Variants in CLINT1 observed in about 807,000 individuals in gnomAD.
CLINT1 encodes clathrin interacting protein localized in the trans-Golgi region.
CLINT1 carries 15 observed loss-of-function variants against 70.4 expected under a neutral mutation model. The observed-to-expected ratio is 0.21, with a 90% CI of 0.14 to 0.33. The LOEUF (loss-of-function observed/expected upper bound fraction) is 0.33, where lower values mean the gene tolerates loss of function less well. CLINT1 is among the 10% of genes least tolerant of loss of function. The pLI, the probability that CLINT1 is intolerant of heterozygous loss-of-function variation, is 1.00. For missense variants in CLINT1, 615 were observed against 778.1 expected (o/e 0.79, Z 2.49); for synonymous variants, 227 against 254.7 (o/e 0.89, Z 1.04).
chr5:157,819,645 C>T (rs761872374), intron 1 of CLINT1, among the ~76,000 whole-genome samples: 1 of 152,142 alleles, frequency 6.6e-6, no homozygotes, highest in Admixed American at 6.5e-5. Context: ...CTGAAGAATG[C>T]GTGGCTTAGG....
At chr5:157,840,990 A>G (rs1016489877) in intron 1 of CLINT1, among the ~76,000 whole-genome samples, 13 of 152,148 alleles carry the variant, frequency 8.5e-5, no homozygotes, top group African/African-American at 2.9e-4. Flanking sequence ...AGTCAGGTGC[A>G]GTGGTTCACA....
At chr5:157,789,330 C>T in intron 11 of CLINT1, 33 bp downstream of exon 11, 1 of 1,585,916 alleles carries the variant, frequency 6.3e-7, no homozygotes, top group Non-Finnish European at 8.7e-7. Context: ...ACTGCAAGTA[C>T]ACAAAGAAGT....
intron 3 of CLINT1, among the ~76,000 whole-genome samples, chr5:157,815,314 C>T (rs1179168704): frequency 6.6e-6 from 1 of 152,024 alleles, no homozygotes; most frequent in Admixed American, 6.6e-5. Context: ...AAACAAACAA[C>T]AACCAACCCC....
intron 1 of CLINT1, among the ~76,000 whole-genome samples, chr5:157,853,858 A>C (rs759499877): frequency 1.1e-4 from 16 of 151,982 alleles, no homozygotes; most frequent in Non-Finnish European, 2.1e-4. Flanking sequence ...AGAGGCAGTT[A>C]AGTGCTTTTT....
intron 1 of CLINT1, among the ~76,000 whole-genome samples, chr5:157,836,060 G>A (rs568908078): frequency 6.6e-6 from 1 of 152,132 alleles, no homozygotes; most frequent in East Asian, 1.9e-4. Flanking sequence ...GTACATACTG[G>A]AACCCTCTCC....
At chr5:157,824,522 A>G (rs1762973646) in intron 1 of CLINT1, among the ~76,000 whole-genome samples, 1 of 152,238 alleles carries the variant, frequency 6.6e-6, no homozygotes, top group Non-Finnish European at 1.5e-5. Flanking sequence ...TGATCTGCAA[A>G]TGAAAATGAA....
chr5:157,816,792 T>C lies in CLINT1; in HGVS notation c.185A>G (p.Asn62Ser). 6.2e-7 allele frequency: 1 copy of C among 1,611,248 alleles called. No homozygotes were observed. Among genetic ancestry groups the C allele is most frequent in the Non-Finnish European group, 8.5e-7 (1 of 1,179,044 alleles). The change falls in exon 3 of 12, where the codon AAC becomes AGC. Residue 62 changes from asparagine to serine, a missense_variant. Asn to Ser is a conservative substitution (Grantham distance 46). Around this residue, in one of 2 missense-constraint regions of CLINT1, gnomAD observed 241 missense variants for 368.6 expected, o/e 0.65. Transcript: ENST00000411809. Reference sequence around the variant, plus strand: ...TTTTAACATTCGTGACCAAAGCATGTTCATAAGTTCTGGAAATTGTTCATA... The same window carrying C: ...TTTTAACATTCGTGACCAAAGCATGCTCATAAGTTCTGGAAATTGTTCATA... ...FMYEQFPELM[N>S]MLWSRMLKDN...
At chr5:157,839,784 T>A (rs1224250191) in intron 1 of CLINT1, among the ~76,000 whole-genome samples, 3 of 151,450 alleles carry the variant, frequency 2.0e-5, no homozygotes, top group Non-Finnish European at 2.9e-5. Context: ...ATCAACTGTA[T>A]AATCTCTATT....
intron 6 of CLINT1, among the ~76,000 whole-genome samples, chr5:157,807,469 G>A (rs7715637): frequency 0.13 from 19,878 of 152,028 alleles, 1,536 homozygotes; most frequent in Non-Finnish European, 0.19. Flanking sequence ...CTCCATATCT[G>A]ATCAATGTTC....
intron 1 of CLINT1, among the ~76,000 whole-genome samples, chr5:157,849,536 T>C (rs1452439564): frequency 2.0e-5 from 3 of 152,086 alleles, no homozygotes; most frequent in Admixed American, 1.3e-4. Context: ...ACCTGTAATA[T>C]CTCTGAGGTA....
chr5:157,834,070 G>A (rs1187007), intron 1 of CLINT1, among the ~76,000 whole-genome samples: 12,259 of 152,256 alleles, frequency 0.081, 574 homozygotes, highest in East Asian at 0.18. Flanking sequence ...GGCCAGGCAC[G>A]GAGGCTCATA....
intron 8 of CLINT1, chr5:157,795,641 CGAGAGA>C (rs148479307): frequency 6.7e-6 from 1 of 149,786 alleles, no homozygotes; most frequent in Non-Finnish European, 1.5e-5. Context: ...TAAAAAAGAA[CGAGAGA>C]GAGAGAGAGA....
chr5:157,816,908 GT>G, intron 2 of CLINT1, 78 bp from the exon 3 acceptor site: 1 of 1,041,506 alleles, frequency 9.6e-7, no homozygotes, highest in South Asian at 1.5e-5. Flanking sequence ...CTAATTTGGT[GT>G]TTCCCTGAAG....
intron 8 of CLINT1, among the ~76,000 whole-genome samples, chr5:157,799,722 T>C (rs907824045): frequency 1.8e-4 from 27 of 152,112 alleles, no homozygotes; most frequent in African/African-American, 6.0e-4. Flanking sequence ...AATGACAGAA[T>C]GCATTGGGGC....
In CLINT1 at chr5:157,787,394, G is replaced by C; in HGVS notation, c.*252C>G. 1 of 505,002 alleles carries C rather than the reference G, an allele frequency of 2.0e-6. No individual in the cohort carries two copies. The highest frequency in any genetic ancestry group is 2.7e-5 in the South Asian group (1 of 37,722). The allele number at this position is 505,002 out of a possible 1,614,324, so 31.3% of individuals were successfully genotyped here. A position where few individuals can be genotyped will look rare whatever the true frequency, so the allele number is the denominator to read the frequency against. ...TCTTCAGTTGATAAAGGCTTTCAAT[G>C]GTCTCACCACCCACTTGTGGTCTAT... is the stretch of plus-strand genomic sequence containing the variant. On this transcript the variant is annotated 3_prime_UTR_variant, in exon 12 of 12. Coordinates refer to ENST00000411809, the MANE Select transcript of CLINT1 (RefSeq NM_014666.4).
At chr5:157,854,851 A>G (rs1034986139) in intron 1 of CLINT1, among the ~76,000 whole-genome samples, 6 of 152,118 alleles carry the variant, frequency 3.9e-5, no homozygotes, top group Non-Finnish European at 7.4e-5. Flanking sequence ...TATCAAAAAA[A>G]GGGCCACTGA....
chr5:157,850,955 C>T (rs932413956), intron 1 of CLINT1, among the ~76,000 whole-genome samples: 5 of 152,020 alleles, frequency 3.3e-5, no homozygotes, highest in East Asian at 3.9e-4. Flanking sequence ...TCACCATGTC[C>T]GGCTAATTTT....
At chr5:157,821,475 G>A (rs1278538909) in intron 1 of CLINT1, among the ~76,000 whole-genome samples, 2 of 152,132 alleles carry the variant, frequency 1.3e-5, no homozygotes, top group Admixed American at 1.3e-4. Context: ...GAAAAAAAAT[G>A]TTGCTGTAAT....
At position 157,846,117 on chromosome 5, in the gene CLINT1, T is replaced by C. The variant is rs577649437; in HGVS notation, c.41+12813A>G. 3.3e-5 allele frequency among the ~76,000 whole-genome samples: 5 copies of C among 152,282 alleles called. No individual in the cohort carries two copies. In the East Asian group the frequency reaches 9.6e-4, roughly 29 times the overall value. On this transcript the variant is annotated intron_variant, in intron 1 of 11. Transcript: ENST00000411809. ...TAATAACCCTACAATGACCTCTAAG[T>C]GTTCAAGTGAAAGGAAGAGCTGCAC... is the stretch of plus-strand genomic sequence containing the variant.
Sources: allele counts gnomAD v4.1 joint callset (sites outside exome capture counted in the v4.1 genomes callset), GRCh38; gene constraint gnomAD v4.1.1; regional missense constraint gnomAD v4.1.1; transcripts MANE v1.5; gene names NCBI Gene and HGNC (gene_info 2026-07-23, HGNC 2026-07-21).